ZNF407: variants seen among roughly 807,000 people sequenced by gnomAD.
ZNF407 encodes the protein zinc finger protein 407.
ZNF407 carries 17 observed loss-of-function variants against 131.2 expected under a neutral mutation model. The ratio of observed to expected loss-of-function variants is 0.13; its 90% CI spans 0.09 to 0.19. The LOEUF (loss-of-function observed/expected upper bound fraction) is 0.19, where lower values mean the gene tolerates loss of function less well. Among genes scored for constraint, ZNF407 ranks in the 10% least tolerant of loss-of-function variants. The probability of loss-of-function intolerance (pLI) is 1.00; values close to 1 mark genes in which losing one functional copy is unlikely to be tolerated. For synonymous variants in ZNF407, 1,156 were observed against 1,062.0 expected, an observed-to-expected ratio of 1.09 and a Z score of -1.72; for missense variants, 2,681 against 2,830.6, an observed-to-expected ratio of 0.95 and a Z score of 1.20.
chr18:74,902,211 TGGAGGTTTTGATAGGGA>T (rs1971535170), intron 7 of ZNF407, among the ~76,000 whole-genome samples: 1 of 152,216 alleles, frequency 6.6e-6, no homozygotes, highest in South Asian at 2.1e-4. Flanking sequence ...CTGGCCTGCG[TGGAGGTTTTGATAGGGA>T]CCGTGCCTGG....
At chr18:75,060,932 C>T (rs574292193) in intron 8 of ZNF407, among the ~76,000 whole-genome samples, 14 of 152,328 alleles carry the variant, frequency 9.2e-5, no homozygotes, top group African/African-American at 3.4e-4. Flanking sequence ...GGACCGTGTT[C>T]CTCCAGCCTG....
chr18:74,767,917 T>C (rs981789982), intron 3 of ZNF407, among the ~76,000 whole-genome samples: 4 of 150,866 alleles, frequency 2.7e-5, no homozygotes, highest in Non-Finnish European at 5.9e-5. Context: ...CCACCCACCT[T>C]GGCCTCCCAA....
chr18:74,738,734 G>A (rs1968480063), intron 3 of ZNF407, among the ~76,000 whole-genome samples: 1 of 151,972 alleles, frequency 6.6e-6, no homozygotes, highest in South Asian at 2.1e-4. Flanking sequence ...GTGAGACTCT[G>A]TCTCAAAAAA....
chr18:74,790,753 C>T (rs1426798832), intron 4 of ZNF407, among the ~76,000 whole-genome samples: 4 of 152,082 alleles, frequency 2.6e-5, no homozygotes, highest in African/African-American at 4.8e-5. Flanking sequence ...TTTTTGTGAG[C>T]AGTTCTTTAT....
intron 4 of ZNF407, among the ~76,000 whole-genome samples, chr18:74,841,074 CGGTGTGCTGGGCTCTTCGCAA>C (rs1236658408): frequency 3.3e-5 from 5 of 152,238 alleles, no homozygotes; most frequent in African/African-American, 1.2e-4. Context: ...TGCACTGCTC[CGGTGTGCTGGGCTCTTCGCAA>C]GGCGTGCCCC....
chr18:74,815,225 T>C (rs1474931752), intron 4 of ZNF407, among the ~76,000 whole-genome samples: 1 of 152,188 alleles, frequency 6.6e-6, no homozygotes, highest in East Asian at 1.9e-4. Context: ...ATTTTATTTA[T>C]TTATTTTTAG....
chr18:74,947,972 A>G (rs1390942465), intron 8 of ZNF407, among the ~76,000 whole-genome samples: 1 of 152,202 alleles, frequency 6.6e-6, no homozygotes, highest in African/African-American at 2.4e-5. Flanking sequence ...GGTCAAAGAG[A>G]AAATGACTTC....
At chr18:75,041,499 C>T in intron 8 of ZNF407, among the ~76,000 whole-genome samples, 1 of 151,204 alleles carries the variant, frequency 6.6e-6, no homozygotes, top group Non-Finnish European at 1.5e-5. Context: ...TCTAAACAAG[C>T]AATACCTTGA....
chr18:74,782,320 G>A (rs1480914622), intron 4 of ZNF407, among the ~76,000 whole-genome samples: 1 of 152,034 alleles, frequency 6.6e-6, no homozygotes, highest in Non-Finnish European at 1.5e-5. Flanking sequence ...CTGTTACTCT[G>A]AAGCCTGAGG....
At chr18:74,728,410 A>G (rs1337404795) in intron 3 of ZNF407, among the ~76,000 whole-genome samples, 1 of 152,210 alleles carries the variant, frequency 6.6e-6, no homozygotes, top group East Asian at 1.9e-4. Flanking sequence ...CCCAGAATGA[A>G]GGATGTGTGC....
chr18:74,883,668 G>C (rs1254748539), intron 6 of ZNF407, among the ~76,000 whole-genome samples: 1 of 152,184 alleles, frequency 6.6e-6, no homozygotes, highest in African/African-American at 2.4e-5. Context: ...CCGCCCAAAA[G>C]AATGTGGGTG....
rs181165522 is a variant in ZNF407 at position 74,985,310 on chromosome 18, A to G, written c.5428+64618A>G. Among the ~76,000 whole-genome samples, 7 of 151,998 alleles carry G rather than the reference A, an allele frequency of 4.6e-5. No individual in the cohort carries two copies. The East Asian group carries it at 1.4e-3, about 30-fold the overall frequency. The stretch of plus-strand genomic sequence containing the variant: ...ATAAAACATGAAAAGGTGAATAAAT[A>G]TTGCTGATCATTCAATACAGAGAAT... On this transcript the variant is annotated intron_variant, in intron 8 of 8. Coordinates refer to ENST00000299687, the MANE Select transcript of ZNF407 (RefSeq NM_017757.3).
At chr18:74,874,299 C>A (rs933391382) in intron 4 of ZNF407, among the ~76,000 whole-genome samples, 1 of 152,234 alleles carries the variant, frequency 6.6e-6, no homozygotes, top group Non-Finnish European at 1.5e-5. Flanking sequence ...CATCCCTCAA[C>A]TGACCTATAA....
intron 8 of ZNF407, among the ~76,000 whole-genome samples, chr18:75,031,129 C>T (rs1599302860): frequency 6.6e-6 from 1 of 152,160 alleles, no homozygotes. Flanking sequence ...GTAATAACAA[C>T]ACAGATTGCA....
At chr18:74,990,517 CA>C (rs780575239) in intron 8 of ZNF407, among the ~76,000 whole-genome samples, 29 of 152,304 alleles carry the variant, frequency 1.9e-4, no homozygotes, top group Admixed American at 1.5e-3. Context: ...AAATCTCTTT[CA>C]AAAGTCAAAG....
At chr18:74,952,522 A>G (rs561272614) in intron 8 of ZNF407, among the ~76,000 whole-genome samples, 55 of 152,336 alleles carry the variant, frequency 3.6e-4, no homozygotes, top group African/African-American at 1.3e-3. Flanking sequence ...TGATAAGTAA[A>G]TAAACTAACT....
intron 1 of ZNF407, among the ~76,000 whole-genome samples, chr18:74,613,452 T>C (rs1983150729): frequency 6.6e-6 from 1 of 152,230 alleles, no homozygotes. Context: ...TCTTTGATAC[T>C]GAGTGCTGAA....
intron 4 of ZNF407, among the ~76,000 whole-genome samples, chr18:74,872,904 A>G (rs1365449732): frequency 6.6e-6 from 1 of 152,152 alleles, no homozygotes; most frequent in Non-Finnish European, 1.5e-5. Flanking sequence ...TTTTAATAGC[A>G]GAATTAATAC....
chr18:74,991,874 G>T (rs1254784410), intron 8 of ZNF407, among the ~76,000 whole-genome samples: 1 of 152,220 alleles, frequency 6.6e-6, no homozygotes, highest in East Asian at 1.9e-4. Flanking sequence ...ACAGTTTTGA[G>T]AGAAAATAAT....
Sources: gnomAD v4.1 joint callset for allele counts (sites outside exome capture counted in the v4.1 genomes callset) on GRCh38, gnomAD v4.1.1 for gene constraint, MANE v1.5 for transcripts, NCBI Gene and HGNC (gene_info 2026-07-23, HGNC 2026-07-21) for gene names.